CACNB4: variants seen among roughly 807,000 people sequenced by gnomAD.
CACNB4 encodes the protein calcium voltage-gated channel auxiliary subunit beta 4, also known as voltage-dependent L-type calcium channel subunit beta-4.
A neutral mutation model predicts 71.2 loss-of-function variants in CACNB4; 32 were observed. The observed-to-expected ratio is 0.45, with a 90% CI of 0.34 to 0.60. The LOEUF is 0.60. CACNB4 is among the 20% of genes least tolerant of loss of function. The pLI is 0.01. For synonymous variants in CACNB4, 231 were observed against 236.9 expected (o/e 0.97, Z 0.23); for missense variants, 464 against 647.9 (o/e 0.72, Z 3.08).
chr2:151,949,798 T>C (rs907427226), intron 2 of CACNB4, among the ~76,000 whole-genome samples: 4 of 152,160 alleles, frequency 2.6e-5, no homozygotes, highest in Non-Finnish European at 4.4e-5. Context: ...CCTGTAATAC[T>C]GGCACTTTGG....
intron 2 of CACNB4, among the ~76,000 whole-genome samples, chr2:152,090,589 G>A (rs1687912999): frequency 6.6e-6 from 1 of 150,786 alleles, no homozygotes. Context: ...GTTGCAGTGA[G>A]CCAAGATCGC....
At chr2:152,018,806 A>AACACACACACACAC (rs10600477) in intron 2 of CACNB4, among the ~76,000 whole-genome samples, 4,086 of 146,604 alleles carry the variant, frequency 0.028, 146 homozygotes, top group African/African-American at 0.086. Flanking sequence ...CCTGTCTCAA[A>AACACACACACACAC]ACACACACAC....
intron 2 of CACNB4, among the ~76,000 whole-genome samples, chr2:152,016,729 G>A (rs1004530259): frequency 8.5e-5 from 13 of 152,358 alleles, no homozygotes; most frequent in East Asian, 5.8e-4. Flanking sequence ...AATGTGGCTA[G>A]GAGGATATCT....
intron 2 of CACNB4, chr2:151,883,669 T>C (rs562020800): frequency 5.7e-5 from 22 of 386,810 alleles, no homozygotes; most frequent in African/African-American, 4.5e-4. Context: ...ATTAAGCCCA[T>C]ATCACTTGTG....
At chr2:152,028,522 TATA>T (rs1383789452) in intron 2 of CACNB4, among the ~76,000 whole-genome samples, 1 of 152,238 alleles carries the variant, frequency 6.6e-6, no homozygotes, top group Non-Finnish European at 1.5e-5. Flanking sequence ...TAGATAATGA[TATA>T]ATCATGTAAT....
chr2:151,845,574 G>C (rs1173235873), intron 12 of CACNB4, among the ~76,000 whole-genome samples: 4 of 152,308 alleles, frequency 2.6e-5, no homozygotes, highest in Non-Finnish European at 4.4e-5. Flanking sequence ...TAAATTTAAA[G>C]GTTCAAGTGT....
intron 5 of CACNB4, among the ~76,000 whole-genome samples, chr2:151,875,681 C>T (rs1250647558): frequency 4.8e-5 from 2 of 41,404 alleles, no homozygotes; most frequent in Non-Finnish European, 8.9e-5. Flanking sequence ...GCTGACCCCC[C>T]CACCTCCCTC....
rs112810100 is a variant in CACNB4, at chr2:151,846,280, C to T, written c.1117-4192G>A. Among the ~76,000 whole-genome samples, 278 of 152,234 alleles carry T rather than the reference C, an allele frequency of 1.8e-3. 1 individual carries two copies. Among genetic ancestry groups the T allele is most frequent in the Non-Finnish European group, 3.2e-3 (219 of 68,008 alleles). Reference sequence around the variant, plus strand: ...TTTTTACAGAAGATACAGTGCTCTCCGGGTCCTACCTGGAGGAAATGAAGC... The same window carrying T: ...TTTTTACAGAAGATACAGTGCTCTCTGGGTCCTACCTGGAGGAAATGAAGC... On this transcript the variant is annotated intron_variant, in intron 12 of 13. Transcript: ENST00000539935.
chr2:152,014,212 T>C (rs1683217067), intron 2 of CACNB4, among the ~76,000 whole-genome samples: 3 of 151,318 alleles, frequency 2.0e-5, no homozygotes, highest in Admixed American at 2.0e-4. Context: ...CTGGGCATGG[T>C]GACGGACACC....
chr2:151,964,425 A>C (rs1188525568), intron 2 of CACNB4, among the ~76,000 whole-genome samples: 1 of 152,230 alleles, frequency 6.6e-6, no homozygotes, highest in Non-Finnish European at 1.5e-5. Context: ...ACCAGTGGGG[A>C]GGACAGCAGA....
intron 2 of CACNB4, among the ~76,000 whole-genome samples, chr2:151,931,263 G>A (rs1408944424): frequency 6.6e-6 from 1 of 152,156 alleles, no homozygotes; most frequent in Non-Finnish European, 1.5e-5. Context: ...TATGAGTAAT[G>A]CTAACTAGTC....
At chr2:151,856,130 T>C (rs944725340) in intron 10 of CACNB4, among the ~76,000 whole-genome samples, 1 of 150,338 alleles carries the variant, frequency 6.7e-6, no homozygotes, top group African/African-American at 2.4e-5. Flanking sequence ...TCTACTCTTT[T>C]CAAATGTCTG....
chr2:151,870,744 C>G, intron 7 of CACNB4, 98 bp downstream of exon 7: 1 of 1,228,132 alleles, frequency 8.1e-7, no homozygotes, highest in Non-Finnish European at 1.2e-6. Context: ...GGAGGCTCTT[C>G]CCTTATTTTA....
At chr2:152,018,131 C>T (rs1414952044) in intron 2 of CACNB4, among the ~76,000 whole-genome samples, 1 of 152,064 alleles carries the variant, frequency 6.6e-6, no homozygotes, top group Non-Finnish European at 1.5e-5. Context: ...CCATGCCCGG[C>T]CTTTTTTACA....
chr2:151,915,877 C>A (rs917601543), intron 2 of CACNB4, among the ~76,000 whole-genome samples: 3 of 150,304 alleles, frequency 2.0e-5, no homozygotes, highest in Non-Finnish European at 3.0e-5. Context: ...AAAGAATGTG[C>A]ACATTCTGGG....
intron 2 of CACNB4, among the ~76,000 whole-genome samples, chr2:152,050,304 G>A (rs1047103499): frequency 3.9e-5 from 6 of 152,136 alleles, no homozygotes; most frequent in South Asian, 4.1e-4. Context: ...TTGATGAAGC[G>A]GACACAACCT....
chr2:151,963,523 G>T (rs1230342634), intron 2 of CACNB4, among the ~76,000 whole-genome samples: 1 of 152,028 alleles, frequency 6.6e-6, no homozygotes, highest in East Asian at 1.9e-4. Context: ...TCTTCCTATA[G>T]AATCTGGAGG....
At position 151,870,634 on chromosome 2, in the gene CACNB4, C is replaced by T. The variant is rs138025572; in HGVS notation, c.619-23G>A. The T allele has an allele frequency of 2.8e-5, 44 of 1,593,972 alleles. No homozygotes were observed. The East Asian group carries it at 4.3e-4, about 15-fold the overall frequency. ...CGTCTGAAAAAGATGATTCGACACG[C>T]GTGACAAGGTGAGGTTGAGCATGCC... On this transcript the variant is annotated intron_variant, in intron 7 of 13. Transcript: ENST00000539935.
At chr2:152,006,027 C>T (rs1682705697) in intron 2 of CACNB4, among the ~76,000 whole-genome samples, 1 of 152,186 alleles carries the variant, frequency 6.6e-6, no homozygotes, top group Non-Finnish European at 1.5e-5. Context: ...TTTTTAAGTA[C>T]TTAGTGAAAG....
Sources: gnomAD v4.1 joint callset for allele counts (sites outside exome capture counted in the v4.1 genomes callset) on GRCh38, gnomAD v4.1.1 for gene constraint, MANE v1.5 for transcripts, NCBI Gene and HGNC (gene_info 2026-07-23, HGNC 2026-07-21) for gene names.